The following ARHGAP22 variants were observed in gnomAD, a reference collection of about 807,000 sequenced individuals.
ARHGAP22 encodes the protein Rho GTPase activating protein 22.
Under a neutral mutation model 59.1 loss-of-function variants are expected in ARHGAP22, and 48 were observed. The observed-to-expected ratio is 0.81, with a 90% CI of 0.64 to 1.03. ARHGAP22 has a LOEUF of 1.03. Ranked by LOEUF, ARHGAP22 falls within the 50% of genes least tolerant of loss-of-function variation. ARHGAP22 has a pLI of 0.00. For synonymous variants in ARHGAP22, 445 were observed against 416.4 expected (o/e 1.07, Z -0.84); for missense variants, 1,015 against 958.7 (o/e 1.06, Z -0.78).
intron 1 of ARHGAP22, among the ~76,000 whole-genome samples, chr10:48,591,135 G>A (rs2059724502): frequency 6.6e-6 from 1 of 152,184 alleles, no homozygotes; most frequent in South Asian, 2.1e-4. Flanking sequence ...AAGTGCTTCA[G>A]CTCAGAGCCT....
chr10:48,508,455 G>A (rs2052390150), intron 3 of ARHGAP22, among the ~76,000 whole-genome samples: 1 of 152,194 alleles, frequency 6.6e-6, no homozygotes, highest in Admixed American at 6.5e-5. Flanking sequence ...CCCGGGAGGG[G>A]GTCCCATCAG....
intron 1 of ARHGAP22, among the ~76,000 whole-genome samples, chr10:48,604,198 G>A (rs1372523034): frequency 1.3e-5 from 2 of 152,204 alleles, no homozygotes; most frequent in African/African-American, 4.8e-5. Flanking sequence ...TCTCTTGCTG[G>A]TCTGAGTCTG....
At chr10:48,449,596 C>A (rs2045695172) in intron 9 of ARHGAP22, among the ~76,000 whole-genome samples, 1 of 152,194 alleles carries the variant, frequency 6.6e-6, no homozygotes, top group African/African-American at 2.4e-5. Flanking sequence ...CCAGAGGGAC[C>A]AAGGAGTCTG....
chr10:48,441,610 C>T (rs1016391423), downstream of ARHGAP22, among the ~76,000 whole-genome samples: 3 of 152,098 alleles, frequency 2.0e-5, no homozygotes, highest in Non-Finnish European at 4.4e-5. Flanking sequence ...CGCCACCACA[C>T]CCGGCTAATT....
In ARHGAP22 at chr10:48,450,945, G is replaced by A. The variant is rs1187388407; in HGVS notation, c.1184C>T (p.Ser395Phe). 3.8e-6 allele frequency: 6 copies of A among 1,585,162 alleles called. No homozygotes were observed. Among genetic ancestry groups the A allele is most frequent in the Non-Finnish European group, 4.3e-6 (5 of 1,166,614 alleles). The change falls in exon 9 of 10, where the codon TCC (serine) becomes TTC (phenylalanine). Residue 395 changes from serine to phenylalanine, a missense_variant. Coordinates refer to ENST00000249601, the MANE Select transcript of ARHGAP22 (RefSeq NM_021226.4). ...CACCGCCACGGCCGCCCCGTCCAGG[G>A]AAGAGGTCCTGTGCGCGGGCAGGCC... is the stretch of plus-strand genomic sequence containing the variant. Reference protein sequence around the residue: ...GPGLPAHRTSSLDGAAVAVLS... With the variant: ...GPGLPAHRTSFLDGAAVAVLS...
intron 3 of ARHGAP22, among the ~76,000 whole-genome samples, chr10:48,554,064 C>G (rs761490726): frequency 2.6e-4 from 39 of 152,346 alleles, no homozygotes; most frequent in Non-Finnish European, 5.1e-4. Flanking sequence ...CCCAGGATCC[C>G]TTTGTTACCA....
exon 1 of ARHGAP22, chr10:48,652,257 C>T: frequency 6.5e-7 from 1 of 1,535,618 alleles, no homozygotes; most frequent in Non-Finnish European, 8.7e-7. Flanking sequence ...TGCAAACGTC[C>T]TCCTTTTGCT....
the ARHGAP22 span, among the ~76,000 whole-genome samples, chr10:48,434,157 G>A: frequency 5.3e-5 from 8 of 152,130 alleles, no homozygotes; most frequent in South Asian, 2.1e-4. Flanking sequence ...TAATACTTTC[G>A]GCAAAGGAAA....
chr10:48,653,754 G>A (rs576006842), upstream of ARHGAP22, among the ~76,000 whole-genome samples: 1 of 152,212 alleles, frequency 6.6e-6, no homozygotes, highest in Non-Finnish European at 1.5e-5. Context: ...CCCATCCCAC[G>A]ACCTGGTGTA....
chr10:48,471,073 C>T (rs1308905242), intron 4 of ARHGAP22, among the ~76,000 whole-genome samples: 4 of 152,232 alleles, frequency 2.6e-5, no homozygotes, highest in African/African-American at 9.6e-5. Flanking sequence ...TGTCACATGT[C>T]CTGCCCTAGG....
At chr10:48,627,042 T>C (rs189238812) in intron 1 of ARHGAP22, among the ~76,000 whole-genome samples, 5 of 152,298 alleles carry the variant, frequency 3.3e-5, no homozygotes, top group Admixed American at 2.6e-4. Flanking sequence ...CCCTAAATGA[T>C]GGGGTTCAGG....
At chr10:48,636,540 T>C (rs1324913873) in intron 1 of ARHGAP22, among the ~76,000 whole-genome samples, 4 of 152,200 alleles carry the variant, frequency 2.6e-5, no homozygotes, top group Non-Finnish European at 5.9e-5. Flanking sequence ...GGGGTCCTCC[T>C]GTTTCTTGCT....
At chr10:48,467,081 T>C (rs1335602507) in intron 4 of ARHGAP22, among the ~76,000 whole-genome samples, 2 of 152,240 alleles carry the variant, frequency 1.3e-5, no homozygotes, top group Admixed American at 1.3e-4. Flanking sequence ...GGGTCCAGGC[T>C]CCAGGCCCTT....
chr10:48,538,614 C>G (rs1036829052), intron 3 of ARHGAP22, among the ~76,000 whole-genome samples: 5 of 152,160 alleles, frequency 3.3e-5, no homozygotes, highest in African/African-American at 1.2e-4. Flanking sequence ...AAATGCTGAA[C>G]TATTAGTATT....
chr10:48,630,699 T>C (rs1164218065), intron 1 of ARHGAP22, among the ~76,000 whole-genome samples: 2 of 152,240 alleles, frequency 1.3e-5, no homozygotes, highest in African/African-American at 4.8e-5. Flanking sequence ...CCATCAATTT[T>C]ATGGAATTTT....
chr10:48,585,953 A>G (rs1245100945), intron 1 of ARHGAP22, among the ~76,000 whole-genome samples: 3 of 152,178 alleles, frequency 2.0e-5, no homozygotes, highest in Non-Finnish European at 4.4e-5. Flanking sequence ...CAAGGAAAAC[A>G]GCCCCCTCTG....
At chr10:48,577,075 A>C (rs2058763235) in intron 2 of ARHGAP22, among the ~76,000 whole-genome samples, 1 of 151,838 alleles carries the variant, frequency 6.6e-6, no homozygotes, top group African/African-American at 2.4e-5. Context: ...CTTTTTCTAA[A>C]ACTCCTTCTA....
chr10:48,518,401 C>A (rs774869054), intron 3 of ARHGAP22, among the ~76,000 whole-genome samples: 1 of 152,174 alleles, frequency 6.6e-6, no homozygotes, highest in African/African-American at 2.4e-5. Flanking sequence ...AGTAATGACA[C>A]ATGTATATTT....
At chr10:48,652,213 A>G (rs2377614) in intron 1 of ARHGAP22, 836,854 of 1,528,238 alleles carry the variant, frequency 0.55, 232,630 homozygotes, top group Admixed American at 0.62. Context: ...TTTCCCACAT[A>G]GAACATAAAA....
Sources: gnomAD v4.1 joint callset for allele counts (sites outside exome capture counted in the v4.1 genomes callset) on GRCh38, gnomAD v4.1.1 for gene constraint, MANE v1.5 for transcripts, NCBI Gene and HGNC (gene_info 2026-07-23, HGNC 2026-07-21) for gene names.